The following CDKAL1 variants were observed in gnomAD, a reference collection of about 807,000 sequenced individuals.
The protein encoded by CDKAL1 is threonylcarbamoyladenosine tRNA methylthiotransferase.
A neutral mutation model predicts 68.2 loss-of-function variants in CDKAL1; 32 were observed. The observed-to-expected ratio is 0.47, with a 90% CI of 0.35 to 0.63. CDKAL1 has a LOEUF of 0.63. Among genes scored for constraint, CDKAL1 ranks in the 30% least tolerant of loss-of-function variants. CDKAL1 has a pLI of 0.00. For synonymous variants in CDKAL1, 234 were observed against 244.3 expected, an observed-to-expected ratio of 0.96 and a Z score of 0.39; for missense variants, 606 against 696.7, an observed-to-expected ratio of 0.87 and a Z score of 1.47.
intron 5 of CDKAL1, among the ~76,000 whole-genome samples, chr6:20,678,232 A>G (rs1770211873): frequency 1.3e-5 from 2 of 152,142 alleles, no homozygotes; most frequent in South Asian, 4.1e-4. Context: ...ATAGGTATCT[A>G]TAGATGTTCT....
intron 10 of CDKAL1, among the ~76,000 whole-genome samples, chr6:20,994,683 C>T (rs1302582136): frequency 6.6e-6 from 1 of 152,074 alleles, no homozygotes; most frequent in Non-Finnish European, 1.5e-5. Flanking sequence ...TTTTTAGTTT[C>T]CTAGTGTATG....
At chr6:20,818,516 T>C (rs1029508407) in intron 8 of CDKAL1, among the ~76,000 whole-genome samples, 2 of 152,006 alleles carry the variant, frequency 1.3e-5, no homozygotes. Flanking sequence ...CAAAAATAAA[T>C]ATAGTTCTAT....
rs199922474 is a variant in CDKAL1 at position 20,810,391 on chromosome 6, G to C, written c.638+29126G>C. On this transcript the variant is annotated intron_variant, in intron 8 of 15. Coordinates refer to ENST00000274695, the MANE Select transcript of CDKAL1 (RefSeq NM_017774.3). The stretch of plus-strand genomic sequence containing the variant: ...AGTCTCTCTCTCTCTCTCTCTCTCT[G>C]TCACACACACACACACACACACACA... 6.3e-3 allele frequency among the ~76,000 whole-genome samples: 213 copies of C among 33,556 alleles called. 2 individuals carry two copies. In the East Asian group the frequency reaches 0.075, roughly 12 times the overall value. 22.0% of individuals were successfully genotyped at this position (33,556 alleles called of 152,430 possible). A position where few individuals can be genotyped will look rare whatever the true frequency, so the allele number is the denominator to read the frequency against.
At chr6:20,553,689 C>T (rs1763920762) in intron 4 of CDKAL1, among the ~76,000 whole-genome samples, 1 of 152,188 alleles carries the variant, frequency 6.6e-6, no homozygotes, top group Admixed American at 6.5e-5. Flanking sequence ...CGGCTTACTG[C>T]AACCTCTGCC....
chr6:20,744,375 G>A (rs1773579189), intron 6 of CDKAL1, among the ~76,000 whole-genome samples: 1 of 152,132 alleles, frequency 6.6e-6, no homozygotes, highest in Admixed American at 6.6e-5. Context: ...ATTTGGTTCA[G>A]CAAGTACTTA....
chr6:20,819,362 A>G (rs1419518285), intron 8 of CDKAL1, among the ~76,000 whole-genome samples: 2 of 152,094 alleles, frequency 1.3e-5, no homozygotes, highest in Admixed American at 1.3e-4. Context: ...TTTTTTGAGA[A>G]TCTCTGCTAA....
intron 8 of CDKAL1, among the ~76,000 whole-genome samples, chr6:20,831,972 C>G (rs1777738647): frequency 6.6e-6 from 1 of 152,204 alleles, no homozygotes; most frequent in Admixed American, 6.5e-5. Flanking sequence ...CAGTACGCTT[C>G]TCATCTTCAA....
intron 5 of CDKAL1, among the ~76,000 whole-genome samples, chr6:20,693,149 A>AAG: frequency 6.7e-6 from 1 of 148,962 alleles, no homozygotes; most frequent in East Asian, 2.0e-4. Flanking sequence ...AAAAAAAAAA[A>AAG]AAAAAAAAGA....
intron 9 of CDKAL1, among the ~76,000 whole-genome samples, chr6:20,916,518 G>A (rs1762731075): frequency 6.6e-6 from 1 of 152,140 alleles, no homozygotes; most frequent in South Asian, 2.1e-4. Context: ...GGGGGTGCAG[G>A]TCAGTGAGGA....
intron 11 of CDKAL1, among the ~76,000 whole-genome samples, chr6:21,052,643 G>A (rs549220995): frequency 6.6e-6 from 1 of 151,710 alleles, no homozygotes; most frequent in African/African-American, 2.4e-5. Flanking sequence ...AAAGTGCTGG[G>A]ACTACAGGCA....
intron 13 of CDKAL1, among the ~76,000 whole-genome samples, chr6:21,132,337 A>G (rs549992352): frequency 1.3e-5 from 2 of 152,300 alleles, no homozygotes; most frequent in African/African-American, 4.8e-5. Context: ...CAGAATTTAT[A>G]ACAGTGTGGA....
intron 15 of CDKAL1, among the ~76,000 whole-genome samples, chr6:21,213,305 G>A (rs1779228631): frequency 6.6e-6 from 1 of 152,208 alleles, no homozygotes; most frequent in African/African-American, 2.4e-5. Flanking sequence ...AGTGATCAGT[G>A]AATATGTGAT....
intron 8 of CDKAL1, among the ~76,000 whole-genome samples, chr6:20,840,052 A>T (rs138127065): frequency 9.2e-5 from 14 of 152,322 alleles, no homozygotes; most frequent in Middle Eastern, 3.4e-3. Flanking sequence ...ACAGAGTACA[A>T]TTGGTGATAA....
At chr6:20,611,666 T>C (rs1482558091) in intron 4 of CDKAL1, among the ~76,000 whole-genome samples, 1 of 152,214 alleles carries the variant, frequency 6.6e-6, no homozygotes, top group African/African-American at 2.4e-5. Flanking sequence ...TATTTTGTTA[T>C]GTGCATACAA....
chr6:20,542,192 G>C (rs933717154), intron 2 of CDKAL1, among the ~76,000 whole-genome samples: 2 of 152,236 alleles, frequency 1.3e-5, no homozygotes, highest in African/African-American at 4.8e-5. Context: ...ATTGAATGAT[G>C]TGAATGGAAG....
chr6:20,751,417 A>G (rs903757498), intron 6 of CDKAL1, among the ~76,000 whole-genome samples: 17 of 152,222 alleles, frequency 1.1e-4, no homozygotes, highest in African/African-American at 3.9e-4. Context: ...TAAGTTCCTC[A>G]GTAACAGTAG....
At chr6:21,030,237 C>T (rs1228478502) in intron 11 of CDKAL1, among the ~76,000 whole-genome samples, 3 of 152,136 alleles carry the variant, frequency 2.0e-5, no homozygotes, top group African/African-American at 7.2e-5. Context: ...AACAGAAAAC[C>T]AAACACCACA....
At chr6:20,679,262 A>T (rs995110392) in intron 5 of CDKAL1, among the ~76,000 whole-genome samples, 3 of 152,216 alleles carry the variant, frequency 2.0e-5, no homozygotes, top group Non-Finnish European at 4.4e-5. Context: ...TCAGTGTTCA[A>T]TAGTATCCTT....
chr6:21,226,408 C>CAAGT lies in CDKAL1; in HGVS notation c.1549-4434_1549-4431dup. On this transcript the variant is annotated intron_variant, in intron 15 of 15. Coordinates refer to ENST00000274695, the MANE Select transcript of CDKAL1 (RefSeq NM_017774.3). The stretch of plus-strand genomic sequence containing the variant: ...TTAGTAGATTATTTTTAAGAGTTAG[C>CAAGT]AAGTAAGTAGATTTAGAAATTAATC... Among the ~76,000 whole-genome samples the CAAGT allele has an allele frequency of 1.3e-5, 2 of 151,284 alleles. 1 individual carries two copies. Among genetic ancestry groups the CAAGT allele is most frequent in the South Asian group, 4.2e-4 (2 of 4,802 alleles).
Sources: gnomAD v4.1 joint callset for allele counts (sites outside exome capture counted in the v4.1 genomes callset) on GRCh38, gnomAD v4.1.1 for gene constraint, MANE v1.5 for transcripts, NCBI Gene and HGNC (gene_info 2026-07-23, HGNC 2026-07-21) for gene names.